CALN1: variants seen among roughly 807,000 people sequenced by gnomAD.
CALN1 encodes the protein calcium-binding protein 8.
A neutral mutation model predicts 30.6 loss-of-function variants in CALN1; 17 were observed. The observed-to-expected ratio is 0.56, with a 90% CI of 0.38 to 0.83. CALN1 has a LOEUF of 0.83. CALN1 is among the 40% of genes least tolerant of loss of function. CALN1 has a pLI of 0.00. For synonymous variants in CALN1, 156 were observed against 131.4 expected, an observed-to-expected ratio of 1.19 and a Z score of -1.28; for missense variants, 291 against 354.9, an observed-to-expected ratio of 0.82 and a Z score of 1.45.
At chr7:72,152,324 G>A (rs980862649) in intron 3 of CALN1, among the ~76,000 whole-genome samples, 3 of 152,204 alleles carry the variant, frequency 2.0e-5, no homozygotes, top group South Asian at 2.1e-4. Context: ...TTTATGCCAA[G>A]ATGACTGTGG....
chr7:72,088,716 A>AAAG (rs1805647785), intron 4 of CALN1, among the ~76,000 whole-genome samples: 1 of 145,392 alleles, frequency 6.9e-6, no homozygotes, highest in African/African-American at 2.8e-5. Flanking sequence ...AAAAAAAAAA[A>AAAG]AAGAAAGAAG....
rs148209895 is a variant in CALN1, at chr7:72,209,149, C to A, written c.244+69537G>T. Among the ~76,000 whole-genome samples, 158 of 139,260 alleles carry A rather than the reference C, an allele frequency of 1.1e-3. 3 individuals carry two copies. In the East Asian group the frequency reaches 0.025, roughly 22 times the overall value. The allele number at this position is 139,260 out of a possible 152,430, so 91.4% of individuals were successfully genotyped here. A position where few individuals can be genotyped will look rare whatever the true frequency, so the allele number is the denominator to read the frequency against. On this transcript the variant is annotated intron_variant, in intron 3 of 6. Transcript: ENST00000395275. ...TCCTTCTCTCCCTCTTTCATTCCTT[C>A]CCCCCTTCTCCCTTGACTTCTTCCT...
intron 5 of CALN1, among the ~76,000 whole-genome samples, chr7:71,935,721 C>CA (rs1795794217): frequency 6.6e-6 from 1 of 152,078 alleles, no homozygotes; most frequent in Non-Finnish European, 1.5e-5. Flanking sequence ...AACTCCGTCT[C>CA]AAAAAACAGA....
chr7:72,347,060 G>C (rs1022433013), intron 2 of CALN1, among the ~76,000 whole-genome samples: 1 of 152,018 alleles, frequency 6.6e-6, no homozygotes, highest in African/African-American at 2.4e-5. Context: ...AGTTTGAAAA[G>C]GAAAGGGGAG....
intron 5 of CALN1, among the ~76,000 whole-genome samples, chr7:72,019,660 C>T (rs886586947): frequency 3.9e-5 from 6 of 152,084 alleles, no homozygotes; most frequent in East Asian, 1.9e-4. Flanking sequence ...GAGTGAGCCA[C>T]CAGGAAGCAC....
At chr7:72,124,175 T>C (rs1251268801) in intron 3 of CALN1, among the ~76,000 whole-genome samples, 2 of 152,288 alleles carry the variant, frequency 1.3e-5, no homozygotes, top group South Asian at 2.1e-4. Context: ...GAGCGGCTCA[T>C]GTCCGTGTGG....
intron 2 of CALN1, among the ~76,000 whole-genome samples, chr7:72,363,270 G>C (rs79500344): frequency 0.12 from 18,159 of 152,080 alleles, 1,344 homozygotes; most frequent in East Asian, 0.27. Context: ...ACGAAGTCTC[G>C]CTCTGTTGCC....
the CALN1 span, among the ~76,000 whole-genome samples, chr7:72,465,459 G>A: frequency 1.3e-5 from 2 of 152,136 alleles, no homozygotes; most frequent in African/African-American, 4.8e-5. Context: ...ACTCCAAACT[G>A]GGGCTTTAAG....
intron 5 of CALN1, among the ~76,000 whole-genome samples, chr7:71,887,751 A>G (rs1001571135): frequency 3.9e-5 from 6 of 152,204 alleles, no homozygotes; most frequent in Admixed American, 6.5e-5. Context: ...CAATGCAAGT[A>G]AAACATGCTC....
intron 5 of CALN1, among the ~76,000 whole-genome samples, chr7:71,957,612 G>T (rs1004120944): frequency 6.6e-6 from 1 of 152,180 alleles, no homozygotes; most frequent in Non-Finnish European, 1.5e-5. Flanking sequence ...TTCTCAGACA[G>T]ATTAATGCAA....
chr7:72,313,917 C>G (rs1800236140), intron 2 of CALN1, among the ~76,000 whole-genome samples: 1 of 152,154 alleles, frequency 6.6e-6, no homozygotes, highest in African/African-American at 2.4e-5. Context: ...GGAATGGTAA[C>G]CACAGGGTGG....
intron 2 of CALN1, among the ~76,000 whole-genome samples, chr7:72,315,495 C>T (rs1800377653): frequency 6.6e-6 from 1 of 151,888 alleles, no homozygotes; most frequent in Non-Finnish European, 1.5e-5. Context: ...TCACTTGAAC[C>T]CGGGAGTTCG....
intron 3 of CALN1, among the ~76,000 whole-genome samples, chr7:72,139,976 T>C (rs191190656): frequency 3.0e-4 from 46 of 152,102 alleles, no homozygotes; most frequent in African/African-American, 1.0e-3. Flanking sequence ...TTCACCACTG[T>C]TGGGGGAGGT....
intron 4 of CALN1, among the ~76,000 whole-genome samples, chr7:72,038,900 A>T (rs1245554779): frequency 6.6e-6 from 1 of 152,242 alleles, no homozygotes; most frequent in Non-Finnish European, 1.5e-5. Context: ...GGCAACCAGC[A>T]GCCCTCATGG....
intron 5 of CALN1, among the ~76,000 whole-genome samples, chr7:71,865,626 G>C (rs1048763166): frequency 1.3e-5 from 2 of 152,166 alleles, no homozygotes; most frequent in African/African-American, 4.8e-5. Flanking sequence ...ACATTAAAAC[G>C]TAGTTTTGTC....
At chr7:71,887,498 T>C (rs1011719837) in intron 5 of CALN1, among the ~76,000 whole-genome samples, 8 of 152,212 alleles carry the variant, frequency 5.3e-5, no homozygotes, top group Admixed American at 2.6e-4. Flanking sequence ...TTTCTCCATG[T>C]TGGTGGTCAG....
At chr7:72,466,819 AAAAG>A in the CALN1 span, among the ~76,000 whole-genome samples, 49 of 150,926 alleles carry the variant, frequency 3.2e-4, 1 homozygote, top group South Asian at 7.4e-3. Context: ...GGAAGAAAGA[AAAAG>A]AAAGAAAGAG....
intron 5 of CALN1, among the ~76,000 whole-genome samples, chr7:71,857,464 GGCTGAGA>G (rs2116635303): frequency 6.6e-6 from 1 of 152,234 alleles, no homozygotes; most frequent in Admixed American, 6.5e-5. Context: ...CACCCATTCT[GGCTGAGA>G]ACTGCTGCCT....
intron 2 of CALN1, among the ~76,000 whole-genome samples, chr7:72,320,783 C>T (rs540337196): frequency 3.4e-5 from 5 of 148,002 alleles, no homozygotes; most frequent in Admixed American, 2.1e-4. Context: ...TGCAGTGAGC[C>T]GAGACCACAC....
Sources: allele counts gnomAD v4.1 joint callset (sites outside exome capture counted in the v4.1 genomes callset), GRCh38; gene constraint gnomAD v4.1.1; transcripts MANE v1.5; gene names NCBI Gene and HGNC (gene_info 2026-07-23, HGNC 2026-07-21).